UBE2E3: variants seen among roughly 807,000 people sequenced by gnomAD.
The protein encoded by UBE2E3 is ubiquitin-conjugating enzyme E2 E3.
UBE2E3 carries 5 observed loss-of-function variants against 23.6 expected under a neutral mutation model. That is an observed-to-expected ratio of 0.21 (90% CI 0.11 to 0.44). The LOEUF (loss-of-function observed/expected upper bound fraction) is 0.44, where lower values mean the gene tolerates loss of function less well. Ranked by LOEUF, UBE2E3 falls within the 20% of genes least tolerant of loss-of-function variation. The pLI is 0.99. For synonymous variants in UBE2E3, 78 were observed against 87.5 expected (o/e 0.89, Z 0.60); for missense variants, 81 against 249.8 (o/e 0.32, Z 4.55).
intron 3 of UBE2E3, chr2:180,987,345 C>T (rs1035517103): frequency 6.5e-7 from 1 of 1,549,852 alleles, no homozygotes; most frequent in East Asian, 2.4e-5. Flanking sequence ...CAGAGGGTGT[C>T]CTTGTCCTCT....
At chr2:180,989,039 C>T (rs974223960) in intron 3 of UBE2E3, among the ~76,000 whole-genome samples, 1 of 152,058 alleles carries the variant, frequency 6.6e-6, no homozygotes, top group African/African-American at 2.4e-5. Flanking sequence ...TGGTCATCTA[C>T]AGATAGTTTG....
At chr2:181,032,627 T>C (rs185396080) in intron 3 of UBE2E3, among the ~76,000 whole-genome samples, 1 of 152,224 alleles carries the variant, frequency 6.6e-6, no homozygotes, top group East Asian at 1.9e-4. Flanking sequence ...ATTTATTTTC[T>C]TCTAAGAAAA....
chr2:181,059,345 T>C (rs1687067631), intron 4 of UBE2E3, among the ~76,000 whole-genome samples: 1 of 151,788 alleles, frequency 6.6e-6, no homozygotes, highest in African/African-American at 2.4e-5. Flanking sequence ...TGTTCACTAG[T>C]TATAGCTGAA....
intron 3 of UBE2E3, among the ~76,000 whole-genome samples, chr2:180,993,032 A>G (rs1002020837): frequency 1.3e-5 from 2 of 152,222 alleles, no homozygotes; most frequent in African/African-American, 4.8e-5. Flanking sequence ...TGTGCCTTGC[A>G]TCTTGTCTAA....
chr2:181,052,782 G>C (rs1372217908), intron 3 of UBE2E3, among the ~76,000 whole-genome samples: 1 of 151,768 alleles, frequency 6.6e-6, no homozygotes, highest in East Asian at 1.9e-4. Flanking sequence ...CTTAAGGCCA[G>C]GGTAGACTCC....
At chr2:181,059,791 C>A (rs914814972) in intron 4 of UBE2E3, among the ~76,000 whole-genome samples, 3 of 151,622 alleles carry the variant, frequency 2.0e-5, no homozygotes, top group Non-Finnish European at 3.0e-5. Flanking sequence ...TCCCCTACCC[C>A]CTCCCTGTCA....
At chr2:181,016,821 G>T (rs1180346096) in intron 3 of UBE2E3, among the ~76,000 whole-genome samples, 1 of 152,172 alleles carries the variant, frequency 6.6e-6, no homozygotes, top group Non-Finnish European at 1.5e-5. Context: ...ACAAAAAATT[G>T]GTATGAAAGT....
chr2:181,011,562 C>CTT (rs1405698253), intron 3 of UBE2E3, among the ~76,000 whole-genome samples: 1 of 152,106 alleles, frequency 6.6e-6, no homozygotes. Flanking sequence ...TAAATCAAAA[C>CTT]TAAGTCAAAA....
At chr2:180,989,512 C>G (rs936819708) in intron 3 of UBE2E3, among the ~76,000 whole-genome samples, 1 of 151,962 alleles carries the variant, frequency 6.6e-6, no homozygotes, top group Non-Finnish European at 1.5e-5. Flanking sequence ...CAAAGTTTAC[C>G]TAGCTACTGT....
rs140209044 is a variant in UBE2E3, at chr2:181,040,954, A to G, written c.246-16739A>G. Among the ~76,000 whole-genome samples, 445 of 152,206 alleles carry G rather than the reference A, an allele frequency of 2.9e-3. 3 individuals carry two copies. Among genetic ancestry groups the G allele is most frequent in the African/African-American group, 0.01 (429 of 41,522 alleles). On this transcript the variant is annotated intron_variant, in intron 3 of 5. Transcript: ENST00000410062. ...GCTTCAGCACATTTCCTTTTCTCCA[A>G]AGAAATGCTTCAGGGCCGAGTGCAG... is the stretch of plus-strand genomic sequence containing the variant.
chr2:180,981,209 C>T (rs1319871987), intron 1 of UBE2E3: 4 of 150,584 alleles, frequency 2.7e-5, no homozygotes, highest in African/African-American at 9.7e-5. Context: ...GTGGCCGCCG[C>T]CGCCGGCCGT....
At chr2:181,045,082 A>G (rs1686630854) in intron 3 of UBE2E3, among the ~76,000 whole-genome samples, 1 of 152,186 alleles carries the variant, frequency 6.6e-6, no homozygotes, top group African/African-American at 2.4e-5. Context: ...AGGGAGGGAA[A>G]TGGCAAGAAA....
chr2:181,000,690 G>A, intron 3 of UBE2E3, among the ~76,000 whole-genome samples: 1 of 151,832 alleles, frequency 6.6e-6, no homozygotes, highest in East Asian at 1.9e-4. Context: ...GAGTAGCTGG[G>A]ACTACAGGCG....
At chr2:181,035,476 G>A (rs952506214) in intron 3 of UBE2E3, among the ~76,000 whole-genome samples, 9 of 151,892 alleles carry the variant, frequency 5.9e-5, no homozygotes, top group Admixed American at 5.9e-4. Flanking sequence ...ACTTTCAGTA[G>A]ATGTATTATA....
At chr2:181,042,404 A>G (rs949132087) in intron 3 of UBE2E3, among the ~76,000 whole-genome samples, 2 of 152,208 alleles carry the variant, frequency 1.3e-5, no homozygotes, top group African/African-American at 2.4e-5. Context: ...CCAAACAGCA[A>G]TCTGTACTAG....
chr2:181,057,597 A>T (rs746155458), intron 3 of UBE2E3, 96 bp from the exon 4 acceptor site: 2 of 1,004,410 alleles, frequency 2.0e-6, no homozygotes, highest in African/African-American at 1.6e-5. Context: ...TTATTGCTCT[A>T]GATTGCTAAT....
intron 3 of UBE2E3, among the ~76,000 whole-genome samples, chr2:180,999,236 A>G (rs755486917): frequency 6.6e-6 from 1 of 152,202 alleles, no homozygotes; most frequent in Non-Finnish European, 1.5e-5. Flanking sequence ...GGCAGTTCCT[A>G]GTACTCTGAC....
At chr2:180,994,896 T>G (rs1684779095) in intron 3 of UBE2E3, among the ~76,000 whole-genome samples, 1 of 152,220 alleles carries the variant, frequency 6.6e-6, no homozygotes, top group South Asian at 2.1e-4. Flanking sequence ...CACAGTCATT[T>G]ACAGACCACA....
At chr2:181,057,651 G>T in intron 3 of UBE2E3, 42 bp from the exon 4 acceptor site, 1 of 1,501,934 alleles carries the variant, frequency 6.7e-7, no homozygotes, top group Non-Finnish European at 9.1e-7. Flanking sequence ...AACATTCATT[G>T]CTAATATATG....
Sources: gnomAD v4.1 joint callset for allele counts (sites outside exome capture counted in the v4.1 genomes callset) on GRCh38, gnomAD v4.1.1 for gene constraint, MANE v1.5 for transcripts, NCBI Gene and HGNC (gene_info 2026-07-23, HGNC 2026-07-21) for gene names.